Variants in DRC11 observed in about 807,000 individuals in gnomAD.
DRC11 encodes the protein IQ and AAA domain-containing protein 1.
At chr2:236,462,533 T>A in the DRC11 span, among the ~76,000 whole-genome samples, 1 of 152,054 alleles carries the variant, frequency 6.6e-6, no homozygotes, top group Non-Finnish European at 1.5e-5. The surrounding 1 kb of genome is among the most constrained non-coding windows in gnomAD (Gnocchi z 6.4). Flanking sequence ...TAGGCTGGTA[T>A]AGTGGTATGC....
chr2:236,347,487 C>T, the DRC11 span, among the ~76,000 whole-genome samples: 5 of 119,678 alleles, frequency 4.2e-5, no homozygotes, highest in Non-Finnish European at 7.7e-5. Context: ...TGCCCATCAA[C>T]GAGTGGATAA....
chr2:236,493,647 G>T, the DRC11 span: 1 of 760,892 alleles, frequency 1.3e-6, no homozygotes, highest in South Asian at 2.0e-5. Flanking sequence ...TGTATAACGA[G>T]GGAGGGATCA....
chr2:236,410,946 G>C, the DRC11 span, among the ~76,000 whole-genome samples: 2 of 146,308 alleles, frequency 1.4e-5, no homozygotes, highest in Admixed American at 1.4e-4. Context: ...AAAAACCCTA[G>C]AAGAAAACCT....
the DRC11 span, among the ~76,000 whole-genome samples, chr2:236,425,811 T>C: frequency 2.0e-5 from 3 of 152,080 alleles, no homozygotes; most frequent in African/African-American, 7.3e-5. Context: ...GATTTGTGTA[T>C]ATGGTGTGAG....
the DRC11 span, among the ~76,000 whole-genome samples, chr2:236,421,249 C>CA: frequency 6.6e-6 from 1 of 151,972 alleles, no homozygotes; most frequent in Non-Finnish European, 1.5e-5. Context: ...AAAAACCCTT[C>CA]AAAAAATCAA....
At chr2:236,324,206 T>C in the DRC11 span, 1 of 152,272 alleles carries the variant, frequency 6.6e-6, no homozygotes, top group African/African-American at 2.4e-5. This position sits in a 1 kb window ranked among gnomAD's most constrained non-coding sequence, Gnocchi z 5.7. Context: ...AGCAAAGAAT[T>C]AATTTATTAA....
At chr2:236,416,746 TATATATATATATATATATATATAA>T in the DRC11 span, among the ~76,000 whole-genome samples, 2 of 59,296 alleles carry the variant, frequency 3.4e-5, no homozygotes, top group African/African-American at 1.2e-4. Flanking sequence ...TATATATATA[TATATATATATATATATATATATAA>T]ATAATTTTGC....
At chr2:236,395,965 G>T in the DRC11 span, among the ~76,000 whole-genome samples, 3 of 152,156 alleles carry the variant, frequency 2.0e-5, no homozygotes, top group Non-Finnish European at 4.4e-5. Context: ...TACTTATGTA[G>T]AAACAGTTGT....
the DRC11 span, among the ~76,000 whole-genome samples, chr2:236,416,756 TATATATATATATAA>T: frequency 4.7e-5 from 4 of 85,602 alleles, no homozygotes; most frequent in Non-Finnish European, 4.9e-5. Context: ...TATATATATA[TATATATATATATAA>T]ATAATTTTGC....
chr2:236,368,214 A>G, the DRC11 span: 2 of 1,609,160 alleles, frequency 1.2e-6, no homozygotes, highest in Non-Finnish European at 1.7e-6. Context: ...GATTCCGTAC[A>G]ATGTGATGAG....
the DRC11 span, among the ~76,000 whole-genome samples, chr2:236,357,601 A>G: frequency 1.7e-4 from 21 of 126,202 alleles, no homozygotes; most frequent in Non-Finnish European, 3.2e-4. Flanking sequence ...GCATTTATGT[A>G]AATATATATT....
chr2:236,320,029 C>A, the DRC11 span, among the ~76,000 whole-genome samples: 6 of 152,330 alleles, frequency 3.9e-5, 1 homozygote, highest in African/African-American at 1.4e-4. Context: ...GTGCACGGCA[C>A]ACAGAGAGTG....
the DRC11 span, among the ~76,000 whole-genome samples, chr2:236,426,823 G>C: frequency 6.6e-6 from 1 of 152,146 alleles, no homozygotes; most frequent in Non-Finnish European, 1.5e-5. This position sits in a 1 kb window ranked among gnomAD's most constrained non-coding sequence, Gnocchi z 4.1. Context: ...TTCTGTACTA[G>C]GTTGAATAAA....
the DRC11 span, among the ~76,000 whole-genome samples, chr2:236,387,881 T>C: frequency 6.6e-6 from 1 of 152,172 alleles, no homozygotes; most frequent in Non-Finnish European, 1.5e-5. Context: ...CTGCAGCATT[T>C]GCTTGTCTGT....
the DRC11 span, among the ~76,000 whole-genome samples, chr2:236,491,092 CTCTG>C: frequency 4.9e-5 from 6 of 123,242 alleles, no homozygotes; most frequent in African/African-American, 1.9e-4. Flanking sequence ...AGAATATATA[CTCTG>C]TGTGTGTGTG....
chr2:236,428,061 G>T, the DRC11 span, among the ~76,000 whole-genome samples: 9 of 151,924 alleles, frequency 5.9e-5, no homozygotes, highest in East Asian at 1.9e-4. Flanking sequence ...TCCTTTTATT[G>T]TTCCTGGTTT....
the DRC11 span, among the ~76,000 whole-genome samples, chr2:236,489,776 T>A: frequency 6.6e-6 from 1 of 151,950 alleles, no homozygotes; most frequent in Admixed American, 6.6e-5. Flanking sequence ...TTTTTTTAAA[T>A]TAGTGGAGTG....
chr2:236,357,531 G>A, the DRC11 span, among the ~76,000 whole-genome samples: 1 of 123,014 alleles, frequency 8.1e-6, no homozygotes, highest in African/African-American at 3.3e-5. Flanking sequence ...TATATATTAT[G>A]AATATAATTT....
chr2:236,338,403 T>C, the DRC11 span: 9 of 1,345,306 alleles, frequency 6.7e-6, no homozygotes, highest in Non-Finnish European at 9.4e-6. Flanking sequence ...GAAAAAAAAA[T>C]TGGTCCACAT....
Sources: allele counts gnomAD v4.1 joint callset (sites outside exome capture counted in the v4.1 genomes callset), GRCh38; gene constraint gnomAD v4.1.1; non-coding constraint Gnocchi (gnomAD v3.1); transcripts MANE v1.5; gene names NCBI Gene and HGNC (gene_info 2026-07-23, HGNC 2026-07-21).